The following EPHA6 variants were observed in gnomAD, a reference collection of about 807,000 sequenced individuals.
The protein encoded by EPHA6 is ephrin type-A receptor 6.
In EPHA6, 50 loss-of-function variants were observed where a neutral mutation model predicts 112.0. The observed-to-expected ratio is 0.45, with a 90% confidence interval of 0.36 to 0.56. The LOEUF is 0.56. Among genes scored for constraint, EPHA6 ranks in the 20% least tolerant of loss-of-function variants. EPHA6 has a pLI of 0.00. For synonymous variants in EPHA6, 529 were observed against 490.7 expected, an observed-to-expected ratio of 1.08 and a Z score of -1.03; for missense variants, 1,280 against 1,417.4, an observed-to-expected ratio of 0.90 and a Z score of 1.56.
At chr3:97,714,769 T>C (rs2034139302) in intron 14 of EPHA6, among the ~76,000 whole-genome samples, 1 of 152,194 alleles carries the variant, frequency 6.6e-6, no homozygotes, top group Non-Finnish European at 1.5e-5. Flanking sequence ...GGCCCCAGAA[T>C]GCTGACCTCT....
intron 7 of EPHA6, among the ~76,000 whole-genome samples, chr3:97,467,755 G>A (rs909738428): frequency 6.6e-5 from 10 of 151,758 alleles, no homozygotes; most frequent in African/African-American, 1.2e-4. Flanking sequence ...GATGTTGACC[G>A]TAGTTTCAGG....
At chr3:97,328,943 T>G (rs2082626000) in intron 5 of EPHA6, among the ~76,000 whole-genome samples, 1 of 152,078 alleles carries the variant, frequency 6.6e-6, no homozygotes, top group African/African-American at 2.4e-5. Flanking sequence ...ATTAGGCATA[T>G]CTCCTAATGC....
chr3:96,912,145 G>A (rs1390349638), intron 2 of EPHA6, among the ~76,000 whole-genome samples: 1 of 152,056 alleles, frequency 6.6e-6, no homozygotes, highest in African/African-American at 2.4e-5. Flanking sequence ...TCAGTTTACA[G>A]CATTACAAAA....
intron 3 of EPHA6, among the ~76,000 whole-genome samples, chr3:97,124,469 A>AAAAGAAAGAAAGAAAGAAAGAAAGAAGG (rs2048127678): frequency 6.7e-6 from 1 of 149,740 alleles, no homozygotes; most frequent in African/African-American, 2.5e-5. Flanking sequence ...TCTGTTTAAA[A>AAAAGAAAGAAAGAAAGAAAGAAAGAAGG]AAAGAAAGAA....
chr3:97,094,480 A>G (rs16838375), intron 3 of EPHA6, among the ~76,000 whole-genome samples: 2,033 of 152,252 alleles, frequency 0.013, 43 homozygotes, highest in African/African-American at 0.044. Context: ...ATTTAACATC[A>G]GTTGTCATCG....
At chr3:97,134,369 T>C (rs1453477798) in intron 3 of EPHA6, among the ~76,000 whole-genome samples, 1 of 152,096 alleles carries the variant, frequency 6.6e-6, no homozygotes, top group Non-Finnish European at 1.5e-5. Context: ...AAAGTACTGA[T>C]ATCTATGACC....
At chr3:97,303,699 A>G (rs2081191973) in intron 5 of EPHA6, among the ~76,000 whole-genome samples, 1 of 152,046 alleles carries the variant, frequency 6.6e-6, no homozygotes, top group African/African-American at 2.4e-5. Context: ...CTTTCAATTT[A>G]TTGAGTGAAA....
intron 3 of EPHA6, among the ~76,000 whole-genome samples, chr3:97,101,965 G>A (rs373460405): frequency 2.8e-4 from 42 of 151,976 alleles, no homozygotes; most frequent in African/African-American, 1.0e-3. Context: ...ACATCTCCCT[G>A]CTAGAACTCT....
chr3:97,048,860 G>A (rs1206587545), intron 3 of EPHA6, among the ~76,000 whole-genome samples: 4 of 152,112 alleles, frequency 2.6e-5, no homozygotes, highest in Non-Finnish European at 4.4e-5. Flanking sequence ...AAAACGTGAA[G>A]CAATGAAGAG....
intron 5 of EPHA6, among the ~76,000 whole-genome samples, chr3:97,248,508 G>A (rs1318767784): frequency 6.6e-6 from 1 of 152,064 alleles, no homozygotes; most frequent in African/African-American, 2.4e-5. Context: ...CCTGACATGT[G>A]CAAAAACCTT....
intron 5 of EPHA6, among the ~76,000 whole-genome samples, chr3:97,314,185 G>C (rs147870594): frequency 2.6e-5 from 4 of 151,530 alleles, no homozygotes; most frequent in African/African-American, 4.8e-5. Context: ...TTAATTGACC[G>C]TAAACATGGT....
chr3:97,086,963 G>A (rs978799350), intron 3 of EPHA6, among the ~76,000 whole-genome samples: 1 of 152,080 alleles, frequency 6.6e-6, no homozygotes, highest in African/African-American at 2.4e-5. Context: ...ATTGCTTTTA[G>A]TATCCCTGCA....
intron 10 of EPHA6, among the ~76,000 whole-genome samples, chr3:97,495,530 T>G (rs1037648294): frequency 3.9e-5 from 6 of 152,252 alleles, no homozygotes; most frequent in African/African-American, 1.4e-4. Context: ...ACTTTTCATA[T>G]TCCCATTTCA....
chr3:96,913,586 A>G (rs1295828531), intron 2 of EPHA6, among the ~76,000 whole-genome samples: 1 of 152,054 alleles, frequency 6.6e-6, no homozygotes, highest in Admixed American at 6.6e-5. Context: ...CACATTTTTA[A>G]TTACAATGAA....
At chr3:97,287,166 T>C (rs984327330) in intron 5 of EPHA6, among the ~76,000 whole-genome samples, 2 of 152,200 alleles carry the variant, frequency 1.3e-5, no homozygotes, top group African/African-American at 2.4e-5. Context: ...TATTTTTATA[T>C]GTAAAATTTT....
chr3:97,225,274 C>T (rs1162033925), intron 3 of EPHA6, among the ~76,000 whole-genome samples: 1 of 152,128 alleles, frequency 6.6e-6, no homozygotes, highest in African/African-American at 2.4e-5. Flanking sequence ...TAATTATTAA[C>T]AGACCTATCC....
At chr3:97,205,645 G>C (rs933068503) in intron 3 of EPHA6, among the ~76,000 whole-genome samples, 3 of 151,992 alleles carry the variant, frequency 2.0e-5, no homozygotes, top group African/African-American at 7.2e-5. Flanking sequence ...GGTATACCTA[G>C]GGGTCTTGGA....
At chr3:97,036,732 T>C (rs1326522686) in intron 3 of EPHA6, among the ~76,000 whole-genome samples, 1 of 151,978 alleles carries the variant, frequency 6.6e-6, no homozygotes, top group Non-Finnish European at 1.5e-5. Context: ...TTCATCACCA[T>C]AAAATATGGT....
At position 97,244,116 on chromosome 3, in the gene EPHA6, G is replaced by C. The variant is rs1365485136; in HGVS notation, c.1435G>C (p.Gly479Arg). ...DTSQCEDCGG[G>R]LRFIPRHTGL... ...CAGCCAGTGTGAGGACTGTGGTGGA[G>C]GACTCCGCTTCATCCCAAGACATAC... Residue 479 changes from glycine to arginine, a missense_variant, in exon 5 of 18, where the codon GGA becomes CGA. By Grantham distance (125) the Gly-to-Arg change is moderately radical. Around this residue, in one of 4 missense-constraint regions of EPHA6, gnomAD observed 878 missense variants for 999.7 expected, o/e 0.88. Coordinates refer to ENST00000389672, the MANE Select transcript of EPHA6 (RefSeq NM_001080448.3). 1.2e-6 allele frequency: 2 copies of C among 1,612,916 alleles called. No individual in the cohort carries two copies. The highest frequency in any genetic ancestry group is 4.5e-5 in the East Asian group (2 of 44,880).
Sources: allele counts gnomAD v4.1 joint callset (sites outside exome capture counted in the v4.1 genomes callset), GRCh38; gene constraint gnomAD v4.1.1; regional missense constraint gnomAD v4.1.1; transcripts MANE v1.5; gene names NCBI Gene and HGNC (gene_info 2026-07-23, HGNC 2026-07-21).